ZNRF2: variants seen among roughly 807,000 people sequenced by gnomAD.
ZNRF2 encodes the protein E3 ubiquitin-protein ligase ZNRF2.
In ZNRF2, 16 loss-of-function variants were observed where a neutral mutation model predicts 20.4. The ratio of observed to expected loss-of-function variants is 0.79; its 90% CI spans 0.53 to 1.19. The LOEUF is 1.19. ZNRF2 is among the 50% of genes most tolerant of loss of function. ZNRF2 has a pLI of 0.00. For synonymous variants in ZNRF2, 178 were observed against 144.9 expected (o/e 1.23, Z -1.64); for missense variants, 363 against 332.4 (o/e 1.09, Z -0.72).
chr7:30,296,312 G>A (rs977763949), intron 1 of ZNRF2, among the ~76,000 whole-genome samples: 8 of 152,174 alleles, frequency 5.3e-5, no homozygotes, highest in Non-Finnish European at 8.8e-5. Flanking sequence ...TGTGCTTATA[G>A]CTCTTTTATA....
chr7:30,356,055 T>A (rs1371817350), intron 3 of ZNRF2, among the ~76,000 whole-genome samples: 6 of 152,208 alleles, frequency 3.9e-5, no homozygotes, highest in Non-Finnish European at 7.3e-5. Flanking sequence ...ATGACCCAGC[T>A]GTTGTCCATA....
intron 1 of ZNRF2, among the ~76,000 whole-genome samples, chr7:30,303,436 C>T (rs771339597): frequency 1.7e-4 from 26 of 152,232 alleles, no homozygotes; most frequent in Admixed American, 8.5e-4. Flanking sequence ...GGGCTGGGCT[C>T]CACTCCAAGT....
chr7:30,318,523 C>T (rs1260805425), intron 1 of ZNRF2, among the ~76,000 whole-genome samples: 2 of 152,100 alleles, frequency 1.3e-5, no homozygotes, highest in Non-Finnish European at 2.9e-5. Context: ...AATTTTTCTA[C>T]CAACAAAAAA....
In ZNRF2 at chr7:30,352,143, C is replaced by T. The variant is rs554082112; in HGVS notation, c.566-3585C>T. On this transcript the variant is annotated intron_variant, in intron 2 of 4. Transcript: ENST00000323037. ...AATTTCATCTCTAATATTTTGAGTA[C>T]TTTTAACAGAAGAATAAAAGGAAAC... 6.8e-4 allele frequency among the ~76,000 whole-genome samples: 103 copies of T among 151,996 alleles called. No individual in the cohort carries two copies. The South Asian group carries it at 0.021, about 31-fold the overall frequency.
intron 1 of ZNRF2, among the ~76,000 whole-genome samples, chr7:30,322,855 A>G (rs1799494826): frequency 6.6e-6 from 1 of 152,178 alleles, no homozygotes. Flanking sequence ...GAAGGCAGGG[A>G]TGGGACACTT....
chr7:30,320,653 A>G (rs1799454923), intron 1 of ZNRF2, among the ~76,000 whole-genome samples: 1 of 152,182 alleles, frequency 6.6e-6, no homozygotes, highest in African/African-American at 2.4e-5. Flanking sequence ...AGCACATTTA[A>G]GGTAGGCTAG....
chr7:30,317,877 G>C (rs1281340503), intron 1 of ZNRF2, among the ~76,000 whole-genome samples: 2 of 152,210 alleles, frequency 1.3e-5, no homozygotes, highest in Admixed American at 1.3e-4. Context: ...TACCTGAAGA[G>C]CTTTGTATGG....
chr7:30,301,257 C>T (rs371737206), intron 1 of ZNRF2, among the ~76,000 whole-genome samples: 21 of 152,120 alleles, frequency 1.4e-4, no homozygotes, highest in South Asian at 8.3e-4. Context: ...CAGAGGTGGG[C>T]GGATCACTTG....
At chr7:30,300,729 G>A (rs1799100826) in intron 1 of ZNRF2, among the ~76,000 whole-genome samples, 1 of 152,116 alleles carries the variant, frequency 6.6e-6, no homozygotes, top group Admixed American at 6.5e-5. Flanking sequence ...TCCAAATTTG[G>A]GAGAAATTTC....
intron 1 of ZNRF2, among the ~76,000 whole-genome samples, chr7:30,321,979 A>G (rs1799477516): frequency 6.6e-6 from 1 of 151,594 alleles, no homozygotes; most frequent in South Asian, 2.1e-4. Context: ...TCTGTGGGCC[A>G]CACATAAAAT....
At position 30,312,185 on chromosome 7, in the gene ZNRF2, T is replaced by C. The variant is rs114697442; in HGVS notation, c.470-11457T>C. On this transcript the variant is annotated intron_variant, in intron 1 of 4. Coordinates refer to ENST00000323037, the MANE Select transcript of ZNRF2 (RefSeq NM_147128.4). The stretch of plus-strand genomic sequence containing the variant: ...CCGTAGAGACAGGGTCTCATTACAT[T>C]GCTCAGGGTGGTCTGGAATTCCTGT... Among the ~76,000 whole-genome samples the C allele has an allele frequency of 3.1e-3, 469 of 152,292 alleles. 5 individuals carry two copies. Among genetic ancestry groups the C allele is most frequent in the African/African-American group, 0.011 (442 of 41,568 alleles).
chr7:30,343,421 C>T (rs1445020787), intron 2 of ZNRF2, among the ~76,000 whole-genome samples: 1 of 151,894 alleles, frequency 6.6e-6, no homozygotes, highest in Non-Finnish European at 1.5e-5. Context: ...TTTTTAAATT[C>T]ACTTGATCGT....
intron 1 of ZNRF2, among the ~76,000 whole-genome samples, chr7:30,298,661 C>G (rs955477037): frequency 1.3e-5 from 2 of 152,210 alleles, no homozygotes; most frequent in Non-Finnish European, 2.9e-5. Flanking sequence ...TTCAGCTATT[C>G]CTGTTGTCTG....
At position 30,284,987 on chromosome 7, in the gene ZNRF2, C is replaced by G; in HGVS notation, c.-371C>G. 2.9e-6 allele frequency: 1 copy of G among 343,272 alleles called. No homozygotes were observed. Among genetic ancestry groups the G allele is most frequent in the Non-Finnish European group, 5.8e-6 (1 of 172,174 alleles). 21.3% of individuals were successfully genotyped at this position (343,272 alleles called of 1,614,324 possible). ...GAGGCGGTGCCGAGATCGGGGGCGC[C>G]GAGCGCGGCAGCAGAGAGCGGTAGC... On this transcript the variant is annotated 5_prime_UTR_variant, in exon 1 of 5. Transcript: ENST00000323037.
chr7:30,329,738 G>A (rs755748673), intron 2 of ZNRF2, among the ~76,000 whole-genome samples: 17 of 152,076 alleles, frequency 1.1e-4, no homozygotes, highest in Non-Finnish European at 2.5e-4. Context: ...CCATATCTTG[G>A]TTATCGTGAA....
chr7:30,336,644 A>G lies in ZNRF2; in HGVS notation c.565+12907A>G, dbSNP rs1196626278. ...TAACTTTTTCTTTGATTCAGAGATT[A>G]TGTAGAAAAGATACATTATAATGCA... On this transcript the variant is annotated intron_variant, in intron 2 of 4. Coordinates refer to ENST00000323037, the MANE Select transcript of ZNRF2 (RefSeq NM_147128.4). 4.6e-5 allele frequency among the ~76,000 whole-genome samples: 7 copies of G among 152,258 alleles called. No homozygotes were observed. In the South Asian group the frequency reaches 1.2e-3, roughly 27 times the overall value.
intron 1 of ZNRF2, among the ~76,000 whole-genome samples, chr7:30,306,303 A>G (rs929140647): frequency 6.6e-6 from 1 of 152,090 alleles, no homozygotes; most frequent in Admixed American, 6.5e-5. Flanking sequence ...AGGAAGAATA[A>G]AATTCAGTCT....
Position 30,346,632 on chromosome 7 carries a change from G to A in ZNRF2, c.566-9096G>A, listed in dbSNP as rs1333837178. On this transcript the variant is annotated intron_variant, in intron 2 of 4. Coordinates refer to ENST00000323037, the MANE Select transcript of ZNRF2 (RefSeq NM_147128.4). The stretch of plus-strand genomic sequence containing the variant: ...TATTTTTGAAAGCCAGAATTTTTTT[G>A]TTTTTTCACCGTACTCCCATCTCTA... Among the ~76,000 whole-genome samples, 4 of 151,492 alleles carry A rather than the reference G, an allele frequency of 2.6e-5. No individual in the cohort carries two copies. In the East Asian group the frequency reaches 7.7e-4, roughly 29 times the overall value.
chr7:30,290,059 G>A (rs898015790), intron 1 of ZNRF2, among the ~76,000 whole-genome samples: 4 of 152,106 alleles, frequency 2.6e-5, no homozygotes, highest in Non-Finnish European at 5.9e-5. Flanking sequence ...GTATAATTGG[G>A]TATATTGGCA....
Sources: gnomAD v4.1 joint callset for allele counts (sites outside exome capture counted in the v4.1 genomes callset) on GRCh38, gnomAD v4.1.1 for gene constraint, MANE v1.5 for transcripts, NCBI Gene and HGNC (gene_info 2026-07-23, HGNC 2026-07-21) for gene names.